The following MACROD2 variants were observed in gnomAD, a reference collection of about 807,000 sequenced individuals.
MACROD2 encodes mono-ADP ribosylhydrolase 2, also known as ADP-ribose glycohydrolase MACROD2.
In MACROD2, 36 loss-of-function variants were observed where a neutral mutation model predicts 70.4. The observed-to-expected ratio is 0.51, with a 90% CI of 0.39 to 0.68. The LOEUF (loss-of-function observed/expected upper bound fraction) is 0.68. MACROD2 is among the 30% of genes least tolerant of loss of function. The pLI, the probability that MACROD2 is intolerant of heterozygous loss-of-function variation, is 0.00. For missense variants in MACROD2, 496 were observed against 538.4 expected (o/e 0.92, Z 0.78); for synonymous variants, 172 against 178.8 (o/e 0.96, Z 0.30).
chr20:14,728,744 A>G (rs1333526381), intron 5 of MACROD2, among the ~76,000 whole-genome samples: 1 of 152,184 alleles, frequency 6.6e-6, no homozygotes, highest in Non-Finnish European at 1.5e-5. Flanking sequence ...GAATAGAAAA[A>G]TGTAAGGATA....
intron 15 of MACROD2, among the ~76,000 whole-genome samples, chr20:16,038,381 A>T (rs2067262416): frequency 6.6e-6 from 1 of 151,840 alleles, no homozygotes. Flanking sequence ...ATCCTATCTC[A>T]TATGGTTCCT....
intron 3 of MACROD2, chr20:14,325,489 G>C (rs1209873649): frequency 1.3e-6 from 2 of 1,486,124 alleles, no homozygotes; most frequent in East Asian, 2.3e-5. Flanking sequence ...AGTAGAACAG[G>C]GTTCCTACCA....
At chr20:14,862,642 A>C (rs868113571) in intron 5 of MACROD2, among the ~76,000 whole-genome samples, 4 of 8,256 alleles carry the variant, frequency 4.8e-4, no homozygotes, top group African/African-American at 1.4e-3. Flanking sequence ...TATATATATA[A>C]ATATATATAT....
At chr20:15,742,887 G>A (rs184317398) in intron 8 of MACROD2, among the ~76,000 whole-genome samples, 64 of 152,312 alleles carry the variant, frequency 4.2e-4, no homozygotes, top group African/African-American at 1.5e-3. Context: ...CCTAGGGTAT[G>A]TCCAATATAA....
chr20:14,259,679 G>A (rs1601409018), intron 3 of MACROD2, among the ~76,000 whole-genome samples: 1 of 152,206 alleles, frequency 6.6e-6, no homozygotes, highest in South Asian at 2.1e-4. Flanking sequence ...GGAGCTGCTG[G>A]CCTAATGGGG....
At chr20:14,481,791 GT>G (rs1487772982) in intron 3 of MACROD2, among the ~76,000 whole-genome samples, 1 of 152,102 alleles carries the variant, frequency 6.6e-6, no homozygotes, top group Non-Finnish European at 1.5e-5. Flanking sequence ...TATAGCCTCA[GT>G]TTCATCATTT....
chr20:15,143,258 G>A (rs1159778169), intron 5 of MACROD2, among the ~76,000 whole-genome samples: 1 of 152,138 alleles, frequency 6.6e-6, no homozygotes, highest in East Asian at 1.9e-4. Context: ...TTCTCTGATG[G>A]CCAGTGATGA....
chr20:15,554,522 T>C (rs979539841), intron 8 of MACROD2, among the ~76,000 whole-genome samples: 2 of 148,028 alleles, frequency 1.4e-5, no homozygotes, highest in African/African-American at 5.0e-5. Flanking sequence ...TTAGAACCTA[T>C]ACATCATGGT....
intron 5 of MACROD2, among the ~76,000 whole-genome samples, chr20:14,775,303 C>T (rs1381957948): frequency 3.3e-5 from 5 of 151,852 alleles, no homozygotes; most frequent in South Asian, 2.1e-4. Context: ...ATACCTGAGG[C>T]GGGGTAATTT....
At chr20:15,429,827 T>A in intron 6 of MACROD2, among the ~76,000 whole-genome samples, 2 of 152,232 alleles carry the variant, frequency 1.3e-5, no homozygotes, top group South Asian at 4.1e-4. Context: ...TGTTGTTACA[T>A]GAATATACTG....
intron 8 of MACROD2, among the ~76,000 whole-genome samples, chr20:15,857,554 C>A (rs1338768364): frequency 6.6e-6 from 1 of 152,202 alleles, no homozygotes; most frequent in East Asian, 1.9e-4. Flanking sequence ...CTACTCCACA[C>A]CCATGTGATA....
At chr20:15,527,994 A>T (rs966072993) in intron 8 of MACROD2, among the ~76,000 whole-genome samples, 2 of 152,196 alleles carry the variant, frequency 1.3e-5, no homozygotes, top group Non-Finnish European at 2.9e-5. Flanking sequence ...TGATTATTTT[A>T]TCTGCTGTTA....
intron 5 of MACROD2, among the ~76,000 whole-genome samples, chr20:15,057,252 T>C (rs2423914): frequency 0.61 from 92,577 of 152,082 alleles, 29,031 homozygotes; most frequent in African/African-American, 0.77. Context: ...GTATGTCAAT[T>C]TAATTCCCTC....
intron 3 of MACROD2, among the ~76,000 whole-genome samples, chr20:14,236,297 T>A (rs1272106762): frequency 6.6e-6 from 1 of 152,138 alleles, no homozygotes; most frequent in Non-Finnish European, 1.5e-5. Context: ...AAGTGAGAAA[T>A]CAACTGTGCA....
At chr20:14,657,855 C>T (rs1376724917) in intron 4 of MACROD2, among the ~76,000 whole-genome samples, 1 of 151,998 alleles carries the variant, frequency 6.6e-6, no homozygotes, top group East Asian at 1.9e-4. Context: ...CCTGTAAGAA[C>T]TTGCTTCTGA....
chr20:15,204,474 A>C (rs557461791), intron 5 of MACROD2, among the ~76,000 whole-genome samples: 38 of 152,254 alleles, frequency 2.5e-4, no homozygotes, highest in Middle Eastern at 3.4e-3. Context: ...TAATGTGCTC[A>C]TAAAGAAGTG....
At chr20:14,039,628 G>A (rs1212209027) in intron 2 of MACROD2, among the ~76,000 whole-genome samples, 1 of 151,998 alleles carries the variant, frequency 6.6e-6, no homozygotes, top group Non-Finnish European at 1.5e-5. Flanking sequence ...AGGGAAAACC[G>A]GTGATAGATA....
At chr20:15,146,999 G>A (rs889884139) in intron 5 of MACROD2, among the ~76,000 whole-genome samples, 6 of 152,120 alleles carry the variant, frequency 3.9e-5, no homozygotes, top group Non-Finnish European at 7.4e-5. Flanking sequence ...TTATGGAGCA[G>A]TACTGGCCCC....
At chr20:15,287,931 T>C (rs2077506244) in intron 6 of MACROD2, among the ~76,000 whole-genome samples, 1 of 152,240 alleles carries the variant, frequency 6.6e-6, no homozygotes, top group African/African-American at 2.4e-5. Flanking sequence ...GATTTTATTG[T>C]AGGGAAATAA....
Sources: allele counts gnomAD v4.1 joint callset (sites outside exome capture counted in the v4.1 genomes callset), GRCh38; gene constraint gnomAD v4.1.1; transcripts MANE v1.5; gene names NCBI Gene and HGNC (gene_info 2026-07-23, HGNC 2026-07-21).